DHRSX: variants seen among roughly 807,000 people sequenced by gnomAD.
The protein encoded by DHRSX is dehydrogenase/reductase X-linked.
In DHRSX, 31 loss-of-function variants were observed where a neutral mutation model predicts 34.0. The observed-to-expected ratio is 0.91, with a 90% CI of 0.69 to 1.23. The LOEUF is 1.23. Among genes scored for constraint, DHRSX ranks in the 50% most tolerant of loss-of-function variants. The pLI is 0.00. For synonymous variants in DHRSX, 201 were observed against 183.8 expected (o/e 1.09, Z -0.76); for missense variants, 414 against 428.1 (o/e 0.97, Z 0.29).
rs1603193627 is a variant in DHRSX, at chrX:2,500,820, G to A, written c.106C>T (p.Pro36Ser). The change falls in exon 1 of 7, where the codon CCA (proline) becomes TCA (serine). Residue 36 changes from proline to serine, a missense_variant. Transcript: ENST00000334651. ...ACCCCTGCCCCGCCCCGCTGACCTG[G>A]CTCCAGGAAGCCCCCGCGGCAGCGC... is the stretch of plus-strand genomic sequence containing the variant. ...LRRCRGGFLE[P>S]VFPPRPDRVA... 6.2e-6 allele frequency: 7 copies of A among 1,132,654 alleles called. No homozygotes were observed. In the African/African-American group the frequency reaches 1.2e-4, roughly 19 times the overall value. The allele number at this position is 1,132,654 out of a possible 1,614,324, so 70.2% of individuals were successfully genotyped here.
intron 3 of DHRSX, among the ~76,000 whole-genome samples, chrX:2,338,827 G>A (rs2042603730): frequency 6.6e-6 from 1 of 151,800 alleles, no homozygotes; most frequent in Non-Finnish European, 1.5e-5. Flanking sequence ...CCTTTCTAGT[G>A]ACACAAAACC....
intron 1 of DHRSX, among the ~76,000 whole-genome samples, chrX:2,437,433 G>A (rs1160077232): frequency 3.3e-5 from 5 of 151,954 alleles, no homozygotes; most frequent in Non-Finnish European, 7.4e-5. Context: ...GTGAAACCCC[G>A]TCTCTACTAA....
At chrX:2,237,597 C>T (rs768971105) in intron 6 of DHRSX, among the ~76,000 whole-genome samples, 30 of 151,876 alleles carry the variant, frequency 2.0e-4, no homozygotes, top group African/African-American at 5.3e-4. Context: ...TTTCCGCCCC[C>T]GGGTTCAAGC....
At chrX:2,418,664 A>C (rs2043728716) in intron 2 of DHRSX, among the ~76,000 whole-genome samples, 2 of 152,154 alleles carry the variant, frequency 1.3e-5, no homozygotes, top group African/African-American at 4.8e-5. Context: ...GTCTCTCTTC[A>C]TCCTACTCCA....
chrX:2,332,270 G>C (rs1183948880), intron 3 of DHRSX, among the ~76,000 whole-genome samples: 3 of 152,184 alleles, frequency 2.0e-5, no homozygotes, highest in African/African-American at 7.2e-5. Flanking sequence ...AATGGGTCCT[G>C]TGAAGCTCAA....
At chrX:2,367,925 A>AT (rs1313109182) in intron 3 of DHRSX, among the ~76,000 whole-genome samples, 1 of 152,124 alleles carries the variant, frequency 6.6e-6, no homozygotes, top group Non-Finnish European at 1.5e-5. Context: ...TTGTATTCAA[A>AT]TGCTTACGGG....
intron 3 of DHRSX, among the ~76,000 whole-genome samples, chrX:2,395,402 T>G (rs371897271): frequency 6.6e-6 from 1 of 152,134 alleles, no homozygotes; most frequent in Non-Finnish European, 1.5e-5. Context: ...GCTTGTACTG[T>G]GTCTAGAAAC....
intron 1 of DHRSX, among the ~76,000 whole-genome samples, chrX:2,441,683 C>A (rs945799913): frequency 1.3e-5 from 2 of 152,068 alleles, no homozygotes; most frequent in Admixed American, 1.3e-4. Context: ...TAGGCAAGGC[C>A]CACCCACATT....
rs1461288788 is a variant in DHRSX, at chrX:2,404,951, G to A, written c.286+3794C>T. On this transcript the variant is annotated intron_variant, in intron 3 of 6. Transcript: ENST00000334651. Reference sequence around the variant, plus strand: ...TGAGGAGAAAAGATCTGGCCAGGCTGCTGCCACTCTGTGACATTGTACACT... The same window carrying A: ...TGAGGAGAAAAGATCTGGCCAGGCTACTGCCACTCTGTGACATTGTACACT... Among the ~76,000 whole-genome samples the A allele has an allele frequency of 2.6e-5, 4 of 152,230 alleles. No homozygotes were observed. The East Asian group carries it at 5.8e-4, about 22-fold the overall frequency.
intron 3 of DHRSX, among the ~76,000 whole-genome samples, chrX:2,335,105 A>G (rs1321075123): frequency 6.6e-6 from 1 of 151,746 alleles, no homozygotes; most frequent in African/African-American, 2.4e-5. Context: ...GAATCGCTGG[A>G]ACCAGGGAGG....
At chrX:2,491,407 T>C (rs2045141959) in intron 1 of DHRSX, among the ~76,000 whole-genome samples, 1 of 152,186 alleles carries the variant, frequency 6.6e-6, no homozygotes, top group Non-Finnish European at 1.5e-5. Flanking sequence ...TTGTTGTTCC[T>C]GTCCTAAGAG....
intron 3 of DHRSX, among the ~76,000 whole-genome samples, chrX:2,296,520 G>C (rs1383618153): frequency 7.1e-6 from 1 of 141,426 alleles, no homozygotes; most frequent in Non-Finnish European, 1.5e-5. Flanking sequence ...GACCCAGGCA[G>C]ACAGGAATAG....
At chrX:2,309,002 T>G (rs62595548) in intron 3 of DHRSX, among the ~76,000 whole-genome samples, 94,636 of 151,892 alleles carry the variant, frequency 0.62, 30,592 homozygotes, top group Non-Finnish European at 0.72. Flanking sequence ...GAAAAAAGCT[T>G]TAAAATGATA....
intron 3 of DHRSX, among the ~76,000 whole-genome samples, chrX:2,407,690 C>T (rs937638369): frequency 1.2e-4 from 18 of 152,278 alleles, no homozygotes; most frequent in South Asian, 2.1e-4. Context: ...CCACCCTGAC[C>T]GACCTCCTAC....
intron 1 of DHRSX, among the ~76,000 whole-genome samples, chrX:2,484,003 C>G (rs2044817364): frequency 6.6e-6 from 1 of 152,134 alleles, no homozygotes; most frequent in Admixed American, 6.6e-5. Flanking sequence ...TACACGGAGT[C>G]TCGCTCTTGT....
At chrX:2,253,616 A>G (rs1360777797) in intron 5 of DHRSX, among the ~76,000 whole-genome samples, 3 of 152,260 alleles carry the variant, frequency 2.0e-5, no homozygotes, top group Admixed American at 6.5e-5. Context: ...AAATCATTCA[A>G]TGAGCTTTCC....
chrX:2,331,984 G>A (rs1478333894), intron 3 of DHRSX, among the ~76,000 whole-genome samples: 2 of 152,070 alleles, frequency 1.3e-5, no homozygotes, highest in African/African-American at 2.4e-5. Flanking sequence ...TTTGACTCGC[G>A]AAATGTTCAG....
chrX:2,416,378 T>C (rs1209860301), intron 2 of DHRSX, among the ~76,000 whole-genome samples: 1 of 152,176 alleles, frequency 6.6e-6, no homozygotes, highest in Non-Finnish European at 1.5e-5. Flanking sequence ...CTGAGGACTG[T>C]ACAAGAGATT....
chrX:2,242,299 T>C lies in DHRSX; in HGVS notation c.804+724A>G, dbSNP rs773778736. Reference sequence around the variant, plus strand: ...TCCAGCTCCTAAGAAGATTCATTTATGGGCACTACCTAGCTACACAGCGTC... The same window carrying C: ...TCCAGCTCCTAAGAAGATTCATTTACGGGCACTACCTAGCTACACAGCGTC... On this transcript the variant is annotated intron_variant, in intron 6 of 6. Coordinates refer to ENST00000334651, the MANE Select transcript of DHRSX (RefSeq NM_145177.3). Among the ~76,000 whole-genome samples, 302 of 152,194 alleles carry C rather than the reference T, an allele frequency of 2.0e-3. 1 individual carries two copies. Among genetic ancestry groups the C allele is most frequent in the African/African-American group, 6.6e-3 (275 of 41,526 alleles).
Sources: allele counts gnomAD v4.1 joint callset (sites outside exome capture counted in the v4.1 genomes callset), GRCh38; gene constraint gnomAD v4.1.1; transcripts MANE v1.5; gene names NCBI Gene and HGNC (gene_info 2026-07-23, HGNC 2026-07-21).